The following LARP4 variants were observed in gnomAD, a reference collection of about 807,000 sequenced individuals.
LARP4 encodes the protein la-related protein 4.
In LARP4, 29 loss-of-function variants were observed where a neutral mutation model predicts 92.9. The observed-to-expected ratio is 0.31, with a 90% CI of 0.23 to 0.43. LARP4 has a LOEUF of 0.43. Among genes scored for constraint, LARP4 ranks in the 20% least tolerant of loss-of-function variants. LARP4 has a pLI of 1.00. For missense variants in LARP4, 732 were observed against 860.0 expected (o/e 0.85, Z 1.86); for synonymous variants, 279 against 284.1 (o/e 0.98, Z 0.18).
rs765517869 is a variant in LARP4, at chr12:50,466,997, A to G, written c.1422A>G (p.Thr474=). The G allele has an allele frequency of 3.1e-6, 5 of 1,612,960 alleles. No individual in the cohort carries two copies. In the African/African-American group the frequency reaches 4.0e-5, roughly 13 times the overall value. ...HPSTAESKAP[T]PKFDLLASNF... The stretch of plus-strand genomic sequence containing the variant: ...CAACAGCTGAATCAAAGGCTCCAAC[A>G]CCAAAGTTTGACTTATTAGCCTCAA... Residue 474 remains threonine (T), a synonymous_variant, in exon 13 of 16, where the codon ACA becomes ACG. Transcript: ENST00000398473.
At chr12:50,474,229 T>G in intron 15 of LARP4, 62 bp downstream of exon 15, 1 of 1,264,004 alleles carries the variant, frequency 7.9e-7, no homozygotes, top group South Asian at 1.4e-5. Context: ...TTTTTTTTTT[T>G]TCACGTAACA....
At chr12:50,421,420 G>A (rs1049208406) in intron 1 of LARP4, 1 of 221,718 alleles carries the variant, frequency 4.5e-6, no homozygotes, top group Non-Finnish European at 7.6e-6. Flanking sequence ...GAGGTGGGAG[G>A]ATCAAGAGGT....
intron 13 of LARP4, among the ~76,000 whole-genome samples, chr12:50,469,909 C>T (rs950472622): frequency 3.6e-5 from 5 of 139,544 alleles, no homozygotes; most frequent in African/African-American, 1.2e-4. Flanking sequence ...GACTCTGTCT[C>T]AAAAAACAGA....
At chr12:50,404,638 G>A (rs371136533) in intron 1 of LARP4, among the ~76,000 whole-genome samples, 4 of 151,154 alleles carry the variant, frequency 2.6e-5, no homozygotes, top group Non-Finnish European at 5.9e-5. Flanking sequence ...AGAGGGTGGC[G>A]CAGTCTCAGC....
intron 10 of LARP4, among the ~76,000 whole-genome samples, chr12:50,455,337 G>T (rs1448838922): frequency 2.0e-5 from 3 of 152,088 alleles, no homozygotes; most frequent in Non-Finnish European, 2.9e-5. Context: ...CAAATTGCTA[G>T]GATTACAGGC....
Position 50,475,862 on chromosome 12 carries a change from T to TA in LARP4, c.*4dup, listed in dbSNP as rs1195324784. The change falls in exon 16 of 16, where the codon TAA becomes TAAA. Residue 725 remains the stop codon, a frameshift_variant and stop_retained_variant. Transcript: ENST00000398473. LOFTEE classifies it high-confidence loss of function. ...ATATGTGCCACCCAGATCACCAAAGTAAAAAACAACAAAACTATTCAAAAA... is the reference window on the plus strand; with the variant it reads ...ATATGTGCCACCCAGATCACCAAAGTAAAAAAACAACAAAACTATTCAAAAA... ...EQYVPPRSPK[*] is the part of the protein sequence containing the mutation. 6.2e-7 allele frequency: 1 copy of TA among 1,609,576 alleles called. No homozygotes were observed. The highest frequency in any genetic ancestry group is 1.7e-5 in the Admixed American group (1 of 59,286).
intron 1 of LARP4, among the ~76,000 whole-genome samples, chr12:50,405,545 A>G (rs971494664): frequency 6.6e-6 from 1 of 151,536 alleles, no homozygotes; most frequent in Non-Finnish European, 1.5e-5. Context: ...TCAGTCTCCA[A>G]AGTAGCTGGG....
chr12:50,473,479 C>T lies in LARP4; in HGVS notation c.1610C>T (p.Ala537Val). 1 of 1,612,786 alleles carries T rather than the reference C, an allele frequency of 6.2e-7. No individual in the cohort carries two copies. Among genetic ancestry groups the T allele is most frequent in the Non-Finnish European group, 8.5e-7 (1 of 1,178,902 alleles). Residue 537 changes from alanine (A) to valine (V), a missense_variant, in exon 14 of 16, where the codon GCC becomes GTC. Coordinates refer to ENST00000398473, the MANE Select transcript of LARP4 (RefSeq NM_052879.5). ...GATGAGCAGACAGAATGCACTTCTG[C>T]CCAGCAACTCAATATGAGTACCAGT... ...PADEQTECTS[A>V]QQLNMSTSSP...
chr12:50,412,041 G>C (rs960513934), intron 1 of LARP4, among the ~76,000 whole-genome samples: 2 of 152,146 alleles, frequency 1.3e-5, no homozygotes, highest in South Asian at 4.1e-4. Flanking sequence ...ACTTTGGGCA[G>C]ATTACTTTAC....
chr12:50,452,798 G>A (rs1333533427), intron 8 of LARP4, among the ~76,000 whole-genome samples: 1 of 151,824 alleles, frequency 6.6e-6, no homozygotes, highest in African/African-American at 2.4e-5. Context: ...TAGCATTGTT[G>A]GGCCTTTTCA....
chr12:50,428,843 A>T, intron 2 of LARP4, 92 bp from the exon 3 acceptor site: 1 of 943,706 alleles, frequency 1.1e-6, no homozygotes, highest in Non-Finnish European at 1.5e-6. Flanking sequence ...AGAAATCCTT[A>T]AAATCTTTTT....
intron 8 of LARP4, among the ~76,000 whole-genome samples, chr12:50,443,461 G>T (rs1951549702): frequency 6.6e-6 from 1 of 151,904 alleles, no homozygotes; most frequent in Non-Finnish European, 1.5e-5. Context: ...GGTAGAGTTG[G>T]GGTCTATGTT....
rs1419598382 is a variant in LARP4, at chr12:50,479,194, T to A, written c.*3330T>A. On this transcript the variant is annotated 3_prime_UTR_variant, in exon 16 of 16. Transcript: ENST00000398473. ...GTCTCTTGGCTTAAATGTCCACTGG[T>A]TTTACTTTGACACAGTTGAACAACA... The A allele has an allele frequency of 6.6e-6, 1 of 152,616 alleles. No homozygotes were observed. Among genetic ancestry groups the A allele is most frequent in the Non-Finnish European group, 1.5e-5 (1 of 68,022 alleles). The allele number at this position is 152,616 out of a possible 1,614,324, so 9.5% of individuals were successfully genotyped here.
At chr12:50,446,491 G>A (rs1342125879) in intron 8 of LARP4, among the ~76,000 whole-genome samples, 1 of 134,322 alleles carries the variant, frequency 7.4e-6, no homozygotes, top group Non-Finnish European at 1.6e-5. Context: ...GCAGTGGCAT[G>A]ATCTTGGCTC....
Position 50,430,644 on chromosome 12 carries a change from GATT to G in LARP4, c.398+81_398+83del, listed in dbSNP as rs200031096. The stretch of plus-strand genomic sequence containing the variant: ...GTGTGAAATAGAGCGCAAGGATGGT[GATT>G]ATTATTTAACTAATTTTTTTTTTTA... On this transcript the variant is annotated intron_variant, in intron 4 of 15. Coordinates refer to ENST00000398473, the MANE Select transcript of LARP4 (RefSeq NM_052879.5). 3,220 of 842,646 alleles carry G rather than the reference GATT, an allele frequency of 3.8e-3. 98 individuals carry two copies. In the African/African-American group the frequency reaches 0.051, roughly 13 times the overall value. The allele number at this position is 842,646 out of a possible 1,614,324, so 52.2% of individuals were successfully genotyped here. A position where few individuals can be genotyped will look rare whatever the true frequency, so the allele number is the denominator to read the frequency against.
At chr12:50,412,538 T>C (rs919893629) in intron 1 of LARP4, 7 of 406,560 alleles carry the variant, frequency 1.7e-5, no homozygotes, top group Non-Finnish European at 2.0e-5. Context: ...ATGGTTCTGT[T>C]ACCTTAGGTC....
intron 1 of LARP4, among the ~76,000 whole-genome samples, chr12:50,407,481 T>C (rs1945072213): frequency 6.6e-6 from 1 of 152,216 alleles, no homozygotes; most frequent in Admixed American, 6.5e-5. Flanking sequence ...TACTTTTGGT[T>C]GGGCAAATAA....
intron 12 of LARP4, among the ~76,000 whole-genome samples, chr12:50,464,612 C>CG (rs1955894837): frequency 6.6e-6 from 1 of 152,176 alleles, no homozygotes; most frequent in Admixed American, 6.5e-5. Context: ...AGGCTGGTCT[C>CG]GAACTCCTGA....
At chr12:50,450,100 A>AT (rs1952913812) in intron 8 of LARP4, among the ~76,000 whole-genome samples, 1 of 151,390 alleles carries the variant, frequency 6.6e-6, no homozygotes, top group Admixed American at 6.6e-5. Flanking sequence ...CGCCCAGCTA[A>AT]TTTTTTGTGT....
Sources: allele counts gnomAD v4.1 joint callset (sites outside exome capture counted in the v4.1 genomes callset), GRCh38; gene constraint gnomAD v4.1.1; transcripts MANE v1.5; gene names NCBI Gene and HGNC (gene_info 2026-07-23, HGNC 2026-07-21).